The following KCNIP3 variants were observed in gnomAD, a reference collection of about 807,000 sequenced individuals.
KCNIP3 encodes potassium voltage-gated channel interacting protein 3, also known as calsenilin.
KCNIP3 carries 28 observed loss-of-function variants against 35.0 expected under a neutral mutation model. The observed-to-expected ratio is 0.80, with a 90% CI of 0.59 to 1.10. The LOEUF (loss-of-function observed/expected upper bound fraction) is 1.10. Ranked by LOEUF, KCNIP3 falls within the 50% of genes least tolerant of loss-of-function variation. The probability of loss-of-function intolerance (pLI) is 0.00; values close to 1 mark genes in which losing one functional copy is unlikely to be tolerated. For missense variants in KCNIP3, 295 were observed against 338.4 expected (o/e 0.87, Z 1.01); for synonymous variants, 134 against 133.8 (o/e 1.00, Z -0.01).
intron 2 of KCNIP3, among the ~76,000 whole-genome samples, chr2:95,362,630 G>A (rs1004698898): frequency 3.9e-5 from 6 of 152,154 alleles, no homozygotes; most frequent in African/African-American, 9.7e-5. Context: ...TAGGGTTTGC[G>A]CTCCTATGAG....
At chr2:95,319,226 T>C (rs1263786704) in intron 2 of KCNIP3, among the ~76,000 whole-genome samples, 1 of 152,198 alleles carries the variant, frequency 6.6e-6, no homozygotes, top group African/African-American at 2.4e-5. Flanking sequence ...GACCCTGCTG[T>C]GCGGAGGCTG....
chr2:95,333,355 G>A (rs1678979401), intron 2 of KCNIP3, among the ~76,000 whole-genome samples: 1 of 152,296 alleles, frequency 6.6e-6, no homozygotes, highest in Non-Finnish European at 1.5e-5. Flanking sequence ...ATGAACCTAG[G>A]CCTCTTCTAA....
chr2:95,350,194 A>T (rs1211569827), intron 2 of KCNIP3, among the ~76,000 whole-genome samples: 2 of 152,180 alleles, frequency 1.3e-5, no homozygotes, highest in Non-Finnish European at 1.5e-5. Context: ...TGCTGGTGAC[A>T]TAAAGGTCCT....
chr2:95,310,544 TCA>T, intron 2 of KCNIP3, 24 bp downstream of exon 2: 1 of 1,577,208 alleles, frequency 6.3e-7, no homozygotes, highest in Non-Finnish European at 8.7e-7. Flanking sequence ...TGGGCTGTGG[TCA>T]AGGGTGGGGG....
In KCNIP3 at chr2:95,376,197, G is replaced by A. The variant is rs758177722; in HGVS notation, c.447+989G>A. Among the ~76,000 whole-genome samples the A allele has an allele frequency of 5.9e-5, 9 of 152,160 alleles. No individual in the cohort carries two copies. Among genetic ancestry groups the A allele is most frequent in the Non-Finnish European group, 1.0e-4 (7 of 68,018 alleles). On this transcript the variant is annotated intron_variant, in intron 5 of 8. Coordinates refer to ENST00000295225, the MANE Select transcript of KCNIP3 (RefSeq NM_013434.5). This position sits in a 1 kb window ranked among gnomAD's most constrained non-coding sequence, Gnocchi z 4.2. ...ACCCCACAGCACACAGAAAACACCC[G>A]GTTAGCATGGAGGAGCCTCAGGGAG...
intron 2 of KCNIP3, among the ~76,000 whole-genome samples, chr2:95,336,573 C>T (rs1159906426): frequency 1.3e-5 from 2 of 152,178 alleles, no homozygotes; most frequent in Non-Finnish European, 2.9e-5. Flanking sequence ...CACTTTCTCC[C>T]TCTTCTCATG....
chr2:95,306,850 C>A (rs1161658857), intron 1 of KCNIP3, among the ~76,000 whole-genome samples: 1 of 152,206 alleles, frequency 6.6e-6, no homozygotes, highest in Non-Finnish European at 1.5e-5. Flanking sequence ...GTGAGCCTCC[C>A]AAGCCAGCAG....
intron 8 of KCNIP3, 89 bp downstream of exon 8, chr2:95,383,383 AGTCCCACCCCT>A: frequency 1.5e-6 from 2 of 1,294,910 alleles, no homozygotes; most frequent in Admixed American, 1.9e-5. Context: ...CCCTCACCCC[AGTCCCACCCCT>A]GCCAGTCCAG....
chr2:95,376,310 C>T lies in KCNIP3; in HGVS notation c.447+1102C>T, dbSNP rs911810637. ...CAGGCAGTAAAGCATCTTTAGGAAA[C>T]GGTGTAAGGGAGCAGGCGGGGTGCG... is the stretch of plus-strand genomic sequence containing the variant. On this transcript the variant is annotated intron_variant, in intron 5 of 8. Transcript: ENST00000295225. The surrounding 1 kb of genome is among the most constrained non-coding windows in gnomAD (Gnocchi z 4.2). Among the ~76,000 whole-genome samples, 6 of 152,182 alleles carry T rather than the reference C, an allele frequency of 3.9e-5. No homozygotes were observed. The highest frequency in any genetic ancestry group is 2.1e-4 in the South Asian group (1 of 4,830).
At chr2:95,319,016 T>C (rs747989533) in intron 2 of KCNIP3, among the ~76,000 whole-genome samples, 5 of 152,240 alleles carry the variant, frequency 3.3e-5, no homozygotes, top group Admixed American at 1.3e-4. Flanking sequence ...GACCAGGGGC[T>C]CATCCCCCAA....
Position 95,318,475 on chromosome 2 carries a change from G to A in KCNIP3, c.181+7955G>A, listed in dbSNP as rs146538332. Among the ~76,000 whole-genome samples, 755 of 152,348 alleles carry A rather than the reference G, an allele frequency of 5.0e-3. 9 individuals are homozygous for A. The highest frequency in any genetic ancestry group is 0.017 in the African/African-American group (713 of 41,576). On this transcript the variant is annotated intron_variant, in intron 2 of 8. Coordinates refer to ENST00000295225, the MANE Select transcript of KCNIP3 (RefSeq NM_013434.5). ...ATGACAGCCACCTCCCAAAACCTAT[G>A]AAACCTAAGCAACCTGGAGGCCTTG...
chr2:95,308,040 G>C lies in KCNIP3; in HGVS notation c.16-2315G>C, dbSNP rs144334264. ...CACATGTGCATATGAGCATGTGTAC[G>C]TGTGTGTGCCTATGCATGTGTGCTT... On this transcript the variant is annotated intron_variant, in intron 1 of 8. Coordinates refer to ENST00000295225, the MANE Select transcript of KCNIP3 (RefSeq NM_013434.5). Among the ~76,000 whole-genome samples, 65 of 152,334 alleles carry C rather than the reference G, an allele frequency of 4.3e-4. 2 individuals carry two copies. The highest frequency in any genetic ancestry group is 2.9e-4 in the Non-Finnish European group (20 of 68,030).
At chr2:95,325,781 ACT>A (rs1490700683) in intron 2 of KCNIP3, among the ~76,000 whole-genome samples, 121 of 151,186 alleles carry the variant, frequency 8.0e-4, no homozygotes, top group African/African-American at 2.9e-3. Flanking sequence ...ATATACACAC[ACT>A]CATACACACT....
intron 2 of KCNIP3, among the ~76,000 whole-genome samples, chr2:95,329,952 T>G (rs1403636688): frequency 2.6e-5 from 4 of 152,216 alleles, no homozygotes; most frequent in Non-Finnish European, 5.9e-5. Context: ...GGTCCCCCTC[T>G]CGTCCCCTCT....
intron 1 of KCNIP3, among the ~76,000 whole-genome samples, chr2:95,307,759 C>T (rs563010129): frequency 2.0e-5 from 3 of 152,182 alleles, no homozygotes; most frequent in Admixed American, 6.5e-5. Flanking sequence ...GGGCTGCAGA[C>T]GGGGCTGGGG....
chr2:95,361,036 A>G (rs1278028410), intron 2 of KCNIP3, among the ~76,000 whole-genome samples: 1 of 152,000 alleles, frequency 6.6e-6, no homozygotes, highest in East Asian at 1.9e-4. Context: ...TAGAAAGGGA[A>G]ATGGCTGAGT....
chr2:95,318,696 G>A (rs1227105643), intron 2 of KCNIP3, among the ~76,000 whole-genome samples: 1 of 152,238 alleles, frequency 6.6e-6, no homozygotes, highest in Non-Finnish European at 1.5e-5. Context: ...CCCTGCATGG[G>A]GGGACCTGGC....
chr2:95,305,987 C>T (rs1244791585), intron 1 of KCNIP3, among the ~76,000 whole-genome samples: 1 of 152,216 alleles, frequency 6.6e-6, no homozygotes, highest in Non-Finnish European at 1.5e-5. Flanking sequence ...CATAACTTTT[C>T]GTTTCTTCAG....
intron 3 of KCNIP3, 95 bp from the exon 4 acceptor site, chr2:95,374,753 C>T: frequency 7.0e-7 from 1 of 1,428,076 alleles, no homozygotes. Context: ...GCAGGCAGCC[C>T]CCAAGGGGGT....
Sources: gnomAD v4.1 joint callset for allele counts (sites outside exome capture counted in the v4.1 genomes callset) on GRCh38, gnomAD v4.1.1 for gene constraint, Gnocchi (gnomAD v3.1) non-coding constraint, MANE v1.5 for transcripts, NCBI Gene and HGNC (gene_info 2026-07-23, HGNC 2026-07-21) for gene names.